The following PTPRT variants were observed in gnomAD, a reference collection of about 807,000 sequenced individuals.
PTPRT encodes receptor-type tyrosine-protein phosphatase T.
In PTPRT, 56 loss-of-function variants were observed where a neutral mutation model predicts 176.8. The ratio of observed to expected loss-of-function variants is 0.32; its 90% CI spans 0.26 to 0.40. The LOEUF is 0.40. PTPRT is among the 10% of genes least tolerant of loss of function. The pLI, the probability that PTPRT is intolerant of heterozygous loss-of-function variation, is 1.00. For synonymous variants in PTPRT, 783 were observed against 739.0 expected, an observed-to-expected ratio of 1.06 and a Z score of -0.96; for missense variants, 1,540 against 1,908.2, an observed-to-expected ratio of 0.81 and a Z score of 3.60.
chr20:42,136,065 T>A (rs965260469), intron 18 of PTPRT, among the ~76,000 whole-genome samples: 3 of 151,750 alleles, frequency 2.0e-5, no homozygotes, highest in Non-Finnish European at 2.9e-5. Flanking sequence ...CAACTCCTTC[T>A]CCCTCCCTCC....
rs6030685 is a variant in PTPRT, at chr20:43,186,468, G to A, written c.88+3178C>T. Among the ~76,000 whole-genome samples, 626 of 152,292 alleles carry A rather than the reference G, an allele frequency of 4.1e-3. 8 individuals carry two copies. The highest frequency in any genetic ancestry group is 0.014 in the African/African-American group (581 of 41,556). ...TGTTTCCACAGCAACACACTGTCAC[G>A]GAGTCAGGGGAGTATCCTGTGCTTG... On this transcript the variant is annotated intron_variant, in intron 1 of 30. Coordinates refer to ENST00000373187, the MANE Select transcript of PTPRT (RefSeq NM_007050.6).
At position 42,971,824 on chromosome 20, in the gene PTPRT, T is replaced by G. The variant is rs1982656757; in HGVS notation, c.89-85892A>C. ...AGCAGTCCTGCTTACCTACAATGAT[T>G]CATTCATTTCTAGAACAAATGTTAA... On this transcript the variant is annotated intron_variant, in intron 1 of 30. Transcript: ENST00000373187. 2.0e-5 allele frequency among the ~76,000 whole-genome samples: 3 copies of G among 152,046 alleles called. No individual in the cohort carries two copies. The South Asian group carries it at 6.2e-4, about 32-fold the overall frequency.
chr20:42,845,707 C>T (rs933550926), intron 2 of PTPRT, among the ~76,000 whole-genome samples: 2 of 152,262 alleles, frequency 1.3e-5, no homozygotes, highest in South Asian at 2.1e-4. Context: ...GAACAGAGCT[C>T]TGTGATCTGG....
At chr20:42,179,021 T>C (rs1393817021) in intron 16 of PTPRT, among the ~76,000 whole-genome samples, 3 of 152,182 alleles carry the variant, frequency 2.0e-5, no homozygotes, top group Admixed American at 6.5e-5. Flanking sequence ...AGCCAGTCAC[T>C]AGATCTTGGC....
rs557852186 is a variant in PTPRT, at chr20:42,385,199, G to A, written c.1561-32914C>T. Among the ~76,000 whole-genome samples, 3 of 152,210 alleles carry A rather than the reference G, an allele frequency of 2.0e-5. No individual in the cohort carries two copies. The East Asian group carries it at 5.8e-4, about 29-fold the overall frequency. On this transcript the variant is annotated intron_variant, in intron 9 of 30. Coordinates refer to ENST00000373187, the MANE Select transcript of PTPRT (RefSeq NM_007050.6). ...AGCTTTCCCCCTATTTCTTCTAGGT[G>A]TCTTACAGCAGTAGATGTGAGAGAT...
chr20:42,633,784 A>AATATAT (rs752371452), intron 7 of PTPRT, among the ~76,000 whole-genome samples: 753 of 53,246 alleles, frequency 0.014, 6 homozygotes, highest in Middle Eastern at 0.022. Context: ...AGACTCTGAA[A>AATATAT]ATATATATAT....
chr20:42,694,018 T>G (rs1347814105), intron 6 of PTPRT, among the ~76,000 whole-genome samples: 1 of 141,260 alleles, frequency 7.1e-6, no homozygotes, highest in African/African-American at 2.8e-5. Flanking sequence ...TACTCCAGGT[T>G]TTTTTTCTTT....
At chr20:42,393,550 G>C (rs1407498558) in intron 9 of PTPRT, among the ~76,000 whole-genome samples, 1 of 152,168 alleles carries the variant, frequency 6.6e-6, no homozygotes, top group East Asian at 1.9e-4. Context: ...CATTTCAGAC[G>C]ATCTTCCATA....
chr20:42,332,201 G>A (rs1462534130), intron 11 of PTPRT, among the ~76,000 whole-genome samples: 2 of 151,772 alleles, frequency 1.3e-5, no homozygotes, highest in African/African-American at 4.8e-5. Context: ...ATTTCTTCAA[G>A]AAAAAAACAT....
intron 6 of PTPRT, among the ~76,000 whole-genome samples, chr20:42,704,197 T>C (rs1416963822): frequency 6.6e-6 from 1 of 152,120 alleles, no homozygotes; most frequent in Non-Finnish European, 1.5e-5. Flanking sequence ...TTTCCTCAGA[T>C]ATTCAATCAT....
At chr20:42,415,672 C>T (rs1332143219) in intron 9 of PTPRT, among the ~76,000 whole-genome samples, 1 of 152,148 alleles carries the variant, frequency 6.6e-6, no homozygotes, top group African/African-American at 2.4e-5. Flanking sequence ...ATAGTCAATA[C>T]ATGCTAGCAT....
chr20:42,539,178 TGA>T (rs2072532236), intron 7 of PTPRT, among the ~76,000 whole-genome samples: 1 of 152,132 alleles, frequency 6.6e-6, no homozygotes, highest in Non-Finnish European at 1.5e-5. Flanking sequence ...GCTGAATAGT[TGA>T]CTCTGTATCT....
At chr20:42,553,363 T>C (rs6030323) in intron 7 of PTPRT, among the ~76,000 whole-genome samples, 86,953 of 151,688 alleles carry the variant, frequency 0.57, 25,743 homozygotes, top group African/African-American at 0.73. Flanking sequence ...CTCTCTCTCA[T>C]TTTTACCTTC....
chr20:43,022,345 TCCA>T (rs1985722834), intron 1 of PTPRT, among the ~76,000 whole-genome samples: 1 of 152,130 alleles, frequency 6.6e-6, no homozygotes, highest in African/African-American at 2.4e-5. Context: ...CTCTCAAAAG[TCCA>T]CCAACACAAG....
chr20:42,900,030 T>A (rs566258710), intron 1 of PTPRT, among the ~76,000 whole-genome samples: 2 of 152,332 alleles, frequency 1.3e-5, no homozygotes, highest in Admixed American at 1.3e-4. Flanking sequence ...ATCCACACTT[T>A]ATGCAAGATG....
chr20:42,441,813 C>CT (rs1473608890), intron 9 of PTPRT, among the ~76,000 whole-genome samples: 1 of 152,206 alleles, frequency 6.6e-6, no homozygotes, highest in Non-Finnish European at 1.5e-5. Flanking sequence ...GAAACAAGAG[C>CT]TTTTTTCCTT....
At chr20:42,187,572 C>T (rs897670633) in intron 16 of PTPRT, among the ~76,000 whole-genome samples, 3 of 152,208 alleles carry the variant, frequency 2.0e-5, no homozygotes, top group Non-Finnish European at 4.4e-5. Context: ...CGCCCTATGG[C>T]TCTTCCATTG....
chr20:42,488,600 G>A (rs1162662441), intron 7 of PTPRT, among the ~76,000 whole-genome samples: 1 of 151,958 alleles, frequency 6.6e-6, no homozygotes, highest in Non-Finnish European at 1.5e-5. Context: ...AGAATTCTTT[G>A]TATATTCTAG....
intron 6 of PTPRT, among the ~76,000 whole-genome samples, chr20:42,729,778 C>CT (rs1241440575): frequency 2.0e-5 from 3 of 152,120 alleles, no homozygotes; most frequent in African/African-American, 7.2e-5. Context: ...TGGAGGCTCT[C>CT]CCATGAAATC....
Sources: gnomAD v4.1 joint callset for allele counts (sites outside exome capture counted in the v4.1 genomes callset) on GRCh38, gnomAD v4.1.1 for gene constraint, MANE v1.5 for transcripts, NCBI Gene and HGNC (gene_info 2026-07-23, HGNC 2026-07-21) for gene names.